STK32B: variants seen among roughly 807,000 people sequenced by gnomAD.
The protein encoded by STK32B is serine/threonine kinase 32B, also known as serine/threonine-protein kinase 32B.
Under a neutral mutation model 52.6 loss-of-function variants are expected in STK32B, and 43 were observed. That is an observed-to-expected ratio of 0.82 (90% confidence interval 0.64 to 1.05). The LOEUF (loss-of-function observed/expected upper bound fraction) is 1.05, where lower values mean the gene tolerates loss of function less well. Ranked by LOEUF, STK32B falls within the 50% of genes least tolerant of loss-of-function variation. STK32B has a pLI of 0.00. For missense variants in STK32B, 621 were observed against 534.6 expected, an observed-to-expected ratio of 1.16 and a Z score of -1.59; for synonymous variants, 238 against 204.3, an observed-to-expected ratio of 1.17 and a Z score of -1.41.
At chr4:5,496,396 C>A (rs568634660) in intron 11 of STK32B, among the ~76,000 whole-genome samples, 2 of 152,226 alleles carry the variant, frequency 1.3e-5, no homozygotes, top group South Asian at 2.1e-4. Context: ...TGCGGGATAT[C>A]TCCTGGTGCA....
At chr4:5,377,416 T>G (rs1273731917) in intron 4 of STK32B, among the ~76,000 whole-genome samples, 1 of 152,206 alleles carries the variant, frequency 6.6e-6, no homozygotes, top group Non-Finnish European at 1.5e-5. Flanking sequence ...ATGTCTGTCT[T>G]ATCACAACAC....
At chr4:5,181,717 A>C (rs571082102) in intron 3 of STK32B, among the ~76,000 whole-genome samples, 7 of 152,384 alleles carry the variant, frequency 4.6e-5, no homozygotes, top group South Asian at 2.1e-4. Flanking sequence ...TACGTACCAT[A>C]ATTTAAAAAT....
In STK32B at chr4:5,261,006, T is replaced by C. The variant is rs189205834; in HGVS notation, c.261-70214T>C. On this transcript the variant is annotated intron_variant, in intron 3 of 11. Coordinates refer to ENST00000282908, the MANE Select transcript of STK32B (RefSeq NM_018401.3). ...GCACCCATGTCAATCAGCCAATCAC[T>C]GTGGGCTGCCCAAGGAAGGGGGACA... Among the ~76,000 whole-genome samples the C allele has an allele frequency of 3.3e-5, 5 of 152,234 alleles. No individual in the cohort carries two copies. In the East Asian group the frequency reaches 9.7e-4, roughly 29 times the overall value.
chr4:5,375,509 A>AT (rs533800903), intron 4 of STK32B, among the ~76,000 whole-genome samples: 99 of 151,852 alleles, frequency 6.5e-4, no homozygotes, highest in Non-Finnish European at 9.7e-4. Context: ...ATTTCTATGA[A>AT]TTTTTTTTCA....
chr4:5,200,166 A>G lies in STK32B; in HGVS notation c.260+31716A>G, dbSNP rs1041982394. Among the ~76,000 whole-genome samples, 8 of 152,048 alleles carry G rather than the reference A, an allele frequency of 5.3e-5. No individual in the cohort carries two copies. The East Asian group carries it at 1.5e-3, about 29-fold the overall frequency. On this transcript the variant is annotated intron_variant, in intron 3 of 11. Coordinates refer to ENST00000282908, the MANE Select transcript of STK32B (RefSeq NM_018401.3). ...TTACACTCAAAATGTGTGTTATTGA[A>G]TCAAGCAATGCCCAATTACTCTTAA...
chr4:5,272,628 G>T (rs1336065971), intron 3 of STK32B, among the ~76,000 whole-genome samples: 2 of 152,070 alleles, frequency 1.3e-5, no homozygotes, highest in African/African-American at 2.4e-5. Flanking sequence ...GCATGGTGCT[G>T]GTACCAAAAC....
intron 3 of STK32B, among the ~76,000 whole-genome samples, chr4:5,288,130 C>G (rs1274235053): frequency 6.6e-6 from 1 of 152,162 alleles, no homozygotes; most frequent in East Asian, 1.9e-4. Context: ...TTTTATGGAT[C>G]TACCATACTT....
chr4:5,424,472 C>T lies in STK32B; in HGVS notation c.562+7538C>T, dbSNP rs372403097. 4.8e-4 allele frequency among the ~76,000 whole-genome samples: 73 copies of T among 152,328 alleles called. 4 individuals carry two copies. The South Asian group carries it at 0.011, about 24-fold the overall frequency. ...ATGGACTAATCAGCACATACTTCCT[C>T]CCCTCTGAAGCCCATAAAAACCCCA... On this transcript the variant is annotated intron_variant, in intron 6 of 11. Transcript: ENST00000282908.
At chr4:5,027,610 A>G in the STK32B span, among the ~76,000 whole-genome samples, 1 of 152,210 alleles carries the variant, frequency 6.6e-6, no homozygotes, top group African/African-American at 2.4e-5. Flanking sequence ...AGAAATAAAC[A>G]TGAAAAGCTG....
At chr4:5,165,049 G>T (rs1465347539) in intron 2 of STK32B, among the ~76,000 whole-genome samples, 2 of 152,138 alleles carry the variant, frequency 1.3e-5, no homozygotes, top group African/African-American at 2.4e-5. Context: ...CCTGACTCCT[G>T]GTGTAGCTCT....
intron 3 of STK32B, among the ~76,000 whole-genome samples, chr4:5,256,845 C>T (rs1295609923): frequency 6.6e-6 from 1 of 152,160 alleles, no homozygotes; most frequent in African/African-American, 2.4e-5. Flanking sequence ...TTCTTGTCTC[C>T]TTTCCTGGTG....
At chr4:5,437,920 C>G in intron 6 of STK32B, 1 of 985,420 alleles carries the variant, frequency 1.0e-6, no homozygotes, top group Non-Finnish European at 1.2e-6. Flanking sequence ...TTGTTGTGTT[C>G]TACCATCAGC....
chr4:5,315,892 A>T (rs1324879815), intron 3 of STK32B, among the ~76,000 whole-genome samples: 1 of 150,544 alleles, frequency 6.6e-6, no homozygotes, highest in African/African-American at 2.4e-5. Flanking sequence ...TTTAGTAGAG[A>T]TGGGGTTTTG....
In STK32B at chr4:5,394,997, C is replaced by G. The variant is rs1019452634; in HGVS notation, c.435-3210C>G. 6.6e-6 allele frequency among the ~76,000 whole-genome samples: 1 copy of G among 152,184 alleles called. No homozygotes were observed. Among genetic ancestry groups the G allele is most frequent in the Non-Finnish European group, 1.5e-5 (1 of 68,024 alleles). On this transcript the variant is annotated intron_variant, in intron 4 of 11. Coordinates refer to ENST00000282908, the MANE Select transcript of STK32B (RefSeq NM_018401.3). This position sits in a 1 kb window ranked among gnomAD's most constrained non-coding sequence, Gnocchi z 4.2. ...ATCCACATGCCCACCGGGCTGCACTCCTTTCTGGAACATGGGGTGGGGTTC... is the reference window on the plus strand; with the variant it reads ...ATCCACATGCCCACCGGGCTGCACTGCTTTCTGGAACATGGGGTGGGGTTC...
At chr4:5,081,675 G>T (rs1712438197) in intron 1 of STK32B, among the ~76,000 whole-genome samples, 1 of 151,898 alleles carries the variant, frequency 6.6e-6, no homozygotes, top group Admixed American at 6.6e-5. Flanking sequence ...GCTGTTGTCT[G>T]TTGTGTTTTT....
intron 3 of STK32B, among the ~76,000 whole-genome samples, chr4:5,216,908 G>T (rs1433785590): frequency 1.3e-5 from 2 of 152,192 alleles, no homozygotes; most frequent in Non-Finnish European, 2.9e-5. Context: ...GTGCATGGAG[G>T]AGCTTAAGTG....
intron 4 of STK32B, among the ~76,000 whole-genome samples, chr4:5,381,304 TAG>T (rs1244105786): frequency 6.6e-6 from 1 of 152,196 alleles, no homozygotes; most frequent in Non-Finnish European, 1.5e-5. Context: ...AAGCTAGACT[TAG>T]AGCATTTAAG....
At chr4:5,095,390 G>A (rs1048989886) in intron 1 of STK32B, among the ~76,000 whole-genome samples, 2 of 152,164 alleles carry the variant, frequency 1.3e-5, no homozygotes, top group African/African-American at 2.4e-5. Flanking sequence ...CGAGGTGGGC[G>A]GATCACTTGA....
At chr4:5,142,872 A>G (rs1333489907) in intron 2 of STK32B, among the ~76,000 whole-genome samples, 2 of 152,206 alleles carry the variant, frequency 1.3e-5, no homozygotes, top group African/African-American at 4.8e-5. Context: ...ATTCTCCACA[A>G]TGTGGATGGG....
Sources: gnomAD v4.1 joint callset for allele counts (sites outside exome capture counted in the v4.1 genomes callset) on GRCh38, gnomAD v4.1.1 for gene constraint, Gnocchi (gnomAD v3.1) non-coding constraint, MANE v1.5 for transcripts, NCBI Gene and HGNC (gene_info 2026-07-23, HGNC 2026-07-21) for gene names.